Variants in NLRP2 observed in about 807,000 individuals in gnomAD.
The protein encoded by NLRP2 is NACHT, LRR and PYD domains-containing protein 2.
In NLRP2, 107 loss-of-function variants were observed where a neutral mutation model predicts 97.2. The observed-to-expected ratio is 1.10, with a 90% confidence interval of 0.94 to 1.29. NLRP2 has a LOEUF of 1.29. Ranked by LOEUF, NLRP2 falls within the 50% of genes most tolerant of loss-of-function variation. The pLI, the probability that NLRP2 is intolerant of heterozygous loss-of-function variation, is 0.00. For missense variants in NLRP2, 1,495 were observed against 1,330.3 expected (o/e 1.12, Z -1.93); for synonymous variants, 663 against 551.5 (o/e 1.20, Z -2.83).
chr19:54,966,468 G>C lies in NLRP2; in HGVS notation c.-18+1G>C, dbSNP rs1407108141. 1 of 152,170 alleles carries C rather than the reference G, an allele frequency of 6.6e-6. No individual in the cohort carries two copies. The highest frequency in any genetic ancestry group is 1.5e-5 in the Non-Finnish European group (1 of 68,040). 9.4% of individuals were successfully genotyped at this position (152,170 alleles called of 1,614,324 possible). On this transcript the variant is annotated splice_donor_variant, in intron 1 of 12. Transcript: ENST00000448584. LOFTEE classifies it low-confidence loss of function (5UTR_SPLICE). ...GGCGAGTAGGGCCAGGTGTTGGGAG[G>C]TGAGTAGCTCTCCGGCAGCTCTGCA...
At chr19:54,996,054 C>A (rs55656638) in intron 11 of NLRP2, among the ~76,000 whole-genome samples, 35,561 of 114,226 alleles carry the variant, frequency 0.31, 5,281 homozygotes, top group Non-Finnish European at 0.36. Context: ...AAAAAAAAAA[C>A]AAAAAAAACA....
chr19:54,971,810 T>C (rs1226308078), intron 2 of NLRP2, among the ~76,000 whole-genome samples: 1 of 151,976 alleles, frequency 6.6e-6, no homozygotes, highest in Non-Finnish European at 1.5e-5. Context: ...AACAATACAA[T>C]AAAATGCACA....
At chr19:54,992,499 T>G (rs1037666440) in intron 10 of NLRP2, among the ~76,000 whole-genome samples, 3 of 141,028 alleles carry the variant, frequency 2.1e-5, no homozygotes, top group Non-Finnish European at 4.6e-5. Context: ...TTTTTTTGGT[T>G]GTGTGTGTGT....
At chr19:54,975,882 C>G (rs1254836956) in intron 3 of NLRP2, among the ~76,000 whole-genome samples, 1 of 152,060 alleles carries the variant, frequency 6.6e-6, no homozygotes, top group Non-Finnish European at 1.5e-5. Context: ...TCCTGAGTAG[C>G]TGGGACTACA....
At position 54,969,992 on chromosome 19, in the gene NLRP2, A is replaced by G; in HGVS notation, c.-17-7A>G. On this transcript the variant is annotated splice_polypyrimidine_tract_variant and splice_region_variant and intron_variant, in intron 1 of 12. Coordinates refer to ENST00000448584, the MANE Select transcript of NLRP2 (RefSeq NM_017852.5). ...CCTCTCCACTCCTCCCTTGATTGTC[A>G]TCACAGCTCCCACGTGGGACAAGAT... 1 of 1,612,440 alleles carries G rather than the reference A, an allele frequency of 6.2e-7. No homozygotes were observed. The highest frequency in any genetic ancestry group is 1.1e-5 in the South Asian group (1 of 91,014).
chr19:54,974,978 G>A (rs566174084), intron 3 of NLRP2, among the ~76,000 whole-genome samples: 53 of 151,486 alleles, frequency 3.5e-4, no homozygotes, highest in African/African-American at 1.3e-3. Flanking sequence ...TTTTTGTGGT[G>A]TTTGTAGAGA....
At chr19:54,978,405 T>A (rs1172303192) in intron 4 of NLRP2, among the ~76,000 whole-genome samples, 2 of 152,010 alleles carry the variant, frequency 1.3e-5, no homozygotes, top group Non-Finnish European at 2.9e-5. Context: ...CAGCTAATTT[T>A]TTTTTGTACT....
chr19:54,992,626 T>A (rs2072564105), intron 10 of NLRP2, among the ~76,000 whole-genome samples: 1 of 140,890 alleles, frequency 7.1e-6, no homozygotes, highest in Non-Finnish European at 1.5e-5. Context: ...ATGCAGTGGC[T>A]CCATCTCAGC....
intron 8 of NLRP2, chr19:54,989,612 CTCCAGATAA>C: frequency 3.3e-6 from 1 of 304,924 alleles, no homozygotes; most frequent in Non-Finnish European, 6.3e-6. Context: ...ACAACTGCTG[CTCCAGATAA>C]TTCAAGTCGG....
intron 7 of NLRP2, 137 bp downstream of exon 7, chr19:54,985,354 T>G: frequency 1.2e-6 from 1 of 824,966 alleles, no homozygotes; most frequent in Non-Finnish European, 2.0e-6. Flanking sequence ...GTCCTGTCCT[T>G]AAATTTATTT....
chr19:55,001,061 A>G lies in NLRP2; in HGVS notation c.*163A>G. 1 of 634,412 alleles carries G rather than the reference A, an allele frequency of 1.6e-6. No homozygotes were observed. Among genetic ancestry groups the G allele is most frequent in the South Asian group, 1.8e-5 (1 of 55,122 alleles). 39.3% of individuals were successfully genotyped at this position (634,412 alleles called of 1,614,324 possible). ...TTCTGCCTCTGTTTTATACCTGCAC[A>G]CATCCTTATCTTTGTTACATATGAA... On this transcript the variant is annotated 3_prime_UTR_variant, in exon 13 of 13. Coordinates refer to ENST00000448584, the MANE Select transcript of NLRP2 (RefSeq NM_017852.5).
chr19:55,000,511 C>A (rs553901734), intron 12 of NLRP2, among the ~76,000 whole-genome samples: 1 of 150,336 alleles, frequency 6.7e-6, no homozygotes, highest in African/African-American at 2.4e-5. Context: ...ATCTGCTGAC[C>A]TCGTGATCCA....
At position 54,979,079 on chromosome 19, in the gene NLRP2, G is replaced by T. The variant is rs112098217; in HGVS notation, c.397+1256G>T. Among the ~76,000 whole-genome samples the T allele has an allele frequency of 6.3e-3, 950 of 151,808 alleles. 14 individuals carry two copies. The highest frequency in any genetic ancestry group is 0.022 in the African/African-American group (903 of 41,436). ...GGCTCACTGCAATCTCTGCCTCCTG[G>T]GTTCAAGGGGTCTTCCTGCCACAGC... On this transcript the variant is annotated intron_variant, in intron 4 of 12. Transcript: ENST00000448584.
intron 3 of NLRP2, among the ~76,000 whole-genome samples, chr19:54,976,124 C>T (rs1308291743): frequency 6.6e-6 from 1 of 151,834 alleles, no homozygotes; most frequent in African/African-American, 2.4e-5. Context: ...TCTCAGCTCA[C>T]TGCAACCTCT....
In NLRP2 at chr19:54,982,410, A is replaced by G; in HGVS notation, c.712A>G (p.Lys238Glu). ...LDWAEDNLIH[K>E]FKYAFYLSCR... ...CTGGGCAGAGGACAACCTCATCCAC[A>G]AATTCAAATATGCGTTCTACCTCAG... is the stretch of plus-strand genomic sequence containing the variant. Residue 238 changes from lysine to glutamate, a missense_variant, in exon 6 of 13, where the codon AAA becomes GAA. Lys to Glu is a moderately conservative substitution (Grantham distance 56, BLOSUM62 1). Transcript: ENST00000448584. 6.2e-7 allele frequency: 1 copy of G among 1,614,154 alleles called. No individual in the cohort carries two copies. Among genetic ancestry groups the G allele is most frequent in the Non-Finnish European group, 8.5e-7 (1 of 1,180,036 alleles).
chr19:54,989,560 A>AT (rs1217540187), intron 8 of NLRP2: 1 of 242,564 alleles, frequency 4.1e-6, no homozygotes, highest in African/African-American at 2.2e-5. Flanking sequence ...TTTCCAGCTG[A>AT]TTCCTGGGCG....
chr19:54,993,138 G>A (rs2072596088), intron 10 of NLRP2: 1 of 149,874 alleles, frequency 6.7e-6, no homozygotes, highest in Non-Finnish European at 1.5e-5. Context: ...AGAATTGCTT[G>A]AACCTGGGAG....
At chr19:54,984,331 T>TG (rs1177269983) in intron 6 of NLRP2, among the ~76,000 whole-genome samples, 4 of 50,876 alleles carry the variant, frequency 7.9e-5, no homozygotes, top group Non-Finnish European at 1.3e-4. Context: ...TTTTTTGTGT[T>TG]TTTTTTTTTT....
intron 7 of NLRP2, among the ~76,000 whole-genome samples, chr19:54,985,672 C>G (rs1486751364): frequency 2.6e-5 from 3 of 114,308 alleles, no homozygotes; most frequent in Non-Finnish European, 4.9e-5. Flanking sequence ...AGCGAGACTG[C>G]GTCTCAAAAA....
Sources: gnomAD v4.1 joint callset for allele counts (sites outside exome capture counted in the v4.1 genomes callset) on GRCh38, gnomAD v4.1.1 for gene constraint, MANE v1.5 for transcripts, NCBI Gene and HGNC (gene_info 2026-07-23, HGNC 2026-07-21) for gene names.